The following BRINP3 variants were observed in gnomAD, a reference collection of about 807,000 sequenced individuals.
BRINP3 encodes the protein BMP/retinoic acid-inducible neural-specific protein 3.
BRINP3 carries 19 observed loss-of-function variants against 71.0 expected under a neutral mutation model. That is an observed-to-expected ratio of 0.27 (90% confidence interval 0.19 to 0.39). The LOEUF (loss-of-function observed/expected upper bound fraction) is 0.39, where lower values mean the gene tolerates loss of function less well. Among genes scored for constraint, BRINP3 ranks in the 10% least tolerant of loss-of-function variants. The probability of loss-of-function intolerance (pLI) is 1.00; values close to 1 mark genes in which losing one functional copy is unlikely to be tolerated. For synonymous variants in BRINP3, 380 were observed against 337.7 expected, an observed-to-expected ratio of 1.13 and a Z score of -1.37; for missense variants, 959 against 940.8, an observed-to-expected ratio of 1.02 and a Z score of -0.25.
At chr1:190,453,284 G>A (rs910564621) in intron 2 of BRINP3, among the ~76,000 whole-genome samples, 1 of 129,372 alleles carries the variant, frequency 7.7e-6, no homozygotes, top group Non-Finnish European at 1.6e-5. Flanking sequence ...GTAGTGGCGC[G>A]ATCTCGGCTC....
At chr1:190,204,090 A>C (rs1655277885) in intron 6 of BRINP3, among the ~76,000 whole-genome samples, 1 of 151,684 alleles carries the variant, frequency 6.6e-6, no homozygotes, top group Non-Finnish European at 1.5e-5. Context: ...ATTGATTTCA[A>C]ATAAAAGGCA....
At chr1:190,448,048 T>C (rs1179081625) in intron 2 of BRINP3, among the ~76,000 whole-genome samples, 1 of 151,768 alleles carries the variant, frequency 6.6e-6, no homozygotes, top group African/African-American at 2.4e-5. Flanking sequence ...AGCACTATTT[T>C]ATGTTTTTAA....
intron 2 of BRINP3, among the ~76,000 whole-genome samples, chr1:190,336,162 A>T (rs539031849): frequency 6.6e-6 from 1 of 152,136 alleles, no homozygotes; most frequent in Admixed American, 6.6e-5. Flanking sequence ...ACTCTCCCTC[A>T]TTCTTCTAAT....
intron 2 of BRINP3, among the ~76,000 whole-genome samples, chr1:190,324,746 C>T (rs955745318): frequency 2.0e-5 from 3 of 151,696 alleles, no homozygotes; most frequent in Admixed American, 6.6e-5. Flanking sequence ...AATAGAAATA[C>T]TTTATAATCA....
chr1:190,307,850 T>A (rs1665229473), intron 2 of BRINP3, among the ~76,000 whole-genome samples: 1 of 152,044 alleles, frequency 6.6e-6, no homozygotes, highest in Non-Finnish European at 1.5e-5. Context: ...ATAAAAATAA[T>A]TAAATGTGTG....
chr1:190,394,459 T>G (rs1384355821), intron 2 of BRINP3, among the ~76,000 whole-genome samples: 1 of 151,482 alleles, frequency 6.6e-6, no homozygotes, highest in African/African-American at 2.4e-5. Context: ...AATGCACATA[T>G]GCCAAAAAAG....
chr1:190,334,422 G>A (rs1308690390), intron 2 of BRINP3, among the ~76,000 whole-genome samples: 1 of 151,730 alleles, frequency 6.6e-6, no homozygotes, highest in Non-Finnish European at 1.5e-5. Flanking sequence ...ACGAGAAACT[G>A]AAAAAGATGC....
intron 2 of BRINP3, among the ~76,000 whole-genome samples, chr1:190,398,599 T>G (rs1202534823): frequency 1.3e-5 from 2 of 151,990 alleles, no homozygotes; most frequent in African/African-American, 4.8e-5. Flanking sequence ...AGCAAAATAG[T>G]TTTATTTTAA....
chr1:190,139,400 C>T (rs1343804789), intron 7 of BRINP3, among the ~76,000 whole-genome samples: 3 of 122,864 alleles, frequency 2.4e-5, no homozygotes, highest in Non-Finnish European at 3.2e-5. Context: ...TGCAGTGAGA[C>T]AAGATCTCAC....
rs1571709517 is a variant in BRINP3 at position 190,310,052 on chromosome 1, T to C, written c.237-28302A>G. Among the ~76,000 whole-genome samples, 3 of 151,496 alleles carry C rather than the reference T, an allele frequency of 2.0e-5. No individual in the cohort carries two copies. In the East Asian group the frequency reaches 5.8e-4, roughly 29 times the overall value. On this transcript the variant is annotated intron_variant, in intron 2 of 7. Transcript: ENST00000367462. ...CTAGTGTCTGTATATTTTCCCTTAT[T>C]TGTAAGTTTTGTGTTTTAGTATATA... is the stretch of plus-strand genomic sequence containing the variant.
Position 190,110,287 on chromosome 1 carries a change from T to TA in BRINP3, c.1185-11154dup, listed in dbSNP as rs560669077. On this transcript the variant is annotated intron_variant, in intron 7 of 7. Coordinates refer to ENST00000367462, the MANE Select transcript of BRINP3 (RefSeq NM_199051.3). ...GAACTCATGCTCTCAACCACTCTAT[T>TA]ATCTATCATGTTACTAGCCCACCCA... 2.8e-4 allele frequency among the ~76,000 whole-genome samples: 43 copies of TA among 152,256 alleles called. No individual in the cohort carries two copies. In the South Asian group the frequency reaches 6.4e-3, roughly 23 times the overall value.
chr1:190,419,489 A>C (rs2102451086), intron 2 of BRINP3, among the ~76,000 whole-genome samples: 1 of 152,140 alleles, frequency 6.6e-6, no homozygotes, highest in Admixed American at 6.6e-5. Context: ...CTTGGTTCTA[A>C]AAATATCGTA....
chr1:190,412,393 TATTA>T lies in BRINP3; in HGVS notation c.236+42258_236+42261del, dbSNP rs1452099956. ...AAACAACAAAGAAAAGATATATATA[TATTA>T]TATATATATATATATATACACTTTT... On this transcript the variant is annotated intron_variant, in intron 2 of 7. Coordinates refer to ENST00000367462, the MANE Select transcript of BRINP3 (RefSeq NM_199051.3). Among the ~76,000 whole-genome samples, 584 of 68,958 alleles carry T rather than the reference TATTA, an allele frequency of 8.5e-3. 5 individuals are homozygous for T. The highest frequency in any genetic ancestry group is 0.023 in the African/African-American group (513 of 22,164). The allele number at this position is 68,958 out of a possible 152,430, so 45.2% of individuals were successfully genotyped here. A position where few individuals can be genotyped will look rare whatever the true frequency, so the allele number is the denominator to read the frequency against.
At chr1:190,149,461 A>C (rs1306961105) in intron 7 of BRINP3, among the ~76,000 whole-genome samples, 2 of 152,224 alleles carry the variant, frequency 1.3e-5, no homozygotes, top group Non-Finnish European at 2.9e-5. Context: ...TGTTCAGTTC[A>C]ACAGGAATTT....
intron 7 of BRINP3, among the ~76,000 whole-genome samples, chr1:190,123,105 G>A (rs191509802): frequency 4.6e-5 from 7 of 152,208 alleles, no homozygotes; most frequent in Admixed American, 4.6e-4. Flanking sequence ...ATAGCCTGAT[G>A]GTGACACCTG....
At chr1:190,230,991 T>C (rs982584458) in intron 5 of BRINP3, among the ~76,000 whole-genome samples, 2 of 151,514 alleles carry the variant, frequency 1.3e-5, no homozygotes, top group South Asian at 2.1e-4. Context: ...AATTATCATA[T>C]AGTATAATGT....
intron 2 of BRINP3, among the ~76,000 whole-genome samples, chr1:190,353,396 G>A (rs1668527287): frequency 6.6e-6 from 1 of 151,980 alleles, no homozygotes; most frequent in Admixed American, 6.6e-5. Flanking sequence ...TTTTGAAAGT[G>A]AGAAGATGCT....
At chr1:190,120,439 TGTC>T (rs1303036488) in intron 7 of BRINP3, among the ~76,000 whole-genome samples, 25 of 152,280 alleles carry the variant, frequency 1.6e-4, no homozygotes, top group African/African-American at 5.1e-4. Context: ...TTTCTTATAA[TGTC>T]AAGCATTTAA....
intron 6 of BRINP3, among the ~76,000 whole-genome samples, chr1:190,162,857 C>T (rs1423645948): frequency 6.6e-6 from 1 of 152,018 alleles, no homozygotes; most frequent in Non-Finnish European, 1.5e-5. Context: ...TGAATAATTA[C>T]TTCATTATGA....
Sources: allele counts gnomAD v4.1 joint callset (sites outside exome capture counted in the v4.1 genomes callset), GRCh38; gene constraint gnomAD v4.1.1; transcripts MANE v1.5; gene names NCBI Gene and HGNC (gene_info 2026-07-23, HGNC 2026-07-21).